The following PCYT1A variants were observed in gnomAD, a reference collection of about 807,000 sequenced individuals.
PCYT1A encodes the protein phosphate cytidylyltransferase 1A, choline.
In PCYT1A, 25 loss-of-function variants were observed where a neutral mutation model predicts 43.7. That is an observed-to-expected ratio of 0.57 (90% confidence interval 0.42 to 0.80). The LOEUF (loss-of-function observed/expected upper bound fraction) is 0.80, where lower values mean the gene tolerates loss of function less well. Among genes scored for constraint, PCYT1A ranks in the 30% least tolerant of loss-of-function variants. PCYT1A has a pLI of 0.00. For synonymous variants in PCYT1A, 172 were observed against 170.7 expected, an observed-to-expected ratio of 1.01 and a Z score of -0.06; for missense variants, 421 against 474.2, an observed-to-expected ratio of 0.89 and a Z score of 1.04.
intron 2 of PCYT1A, among the ~76,000 whole-genome samples, chr3:196,266,058 A>T (rs922363322): frequency 8.6e-5 from 13 of 151,538 alleles, no homozygotes; most frequent in Non-Finnish European, 1.3e-4. Context: ...CCATTAAAAA[A>T]AAATAAATAA....
At position 196,238,813 on chromosome 3, in the gene PCYT1A, C is replaced by CGCG; in HGVS notation, c.976_978dup (p.Arg326dup). 6.3e-7 allele frequency: 1 copy of CGCG among 1,575,680 alleles called. No homozygotes were observed. Among genetic ancestry groups the CGCG allele is most frequent in the Non-Finnish European group, 8.6e-7 (1 of 1,161,972 alleles). On this transcript the variant is annotated inframe_insertion, in exon 9 of 9. Transcript: ENST00000431016. ...CGGAAAGAGGGGGAGGGGGAGCGCT[C>CGCG]GCGAGTAGGGCTGCTGCTGGGGCTC... is the stretch of plus-strand genomic sequence containing the variant.
At chr3:196,244,245 G>C (rs1486147575) in intron 5 of PCYT1A, among the ~76,000 whole-genome samples, 1 of 142,998 alleles carries the variant, frequency 7.0e-6, no homozygotes, top group East Asian at 2.3e-4. Flanking sequence ...GGGATGTGAG[G>C]AGCGTCTCTG....
chr3:196,270,019 A>G (rs935420046), intron 2 of PCYT1A, among the ~76,000 whole-genome samples: 4 of 152,102 alleles, frequency 2.6e-5, no homozygotes, highest in Admixed American at 2.6e-4. Context: ...GATTACAGGC[A>G]TGCGCCACCA....
chr3:196,269,745 G>A (rs1483622196), intron 2 of PCYT1A, among the ~76,000 whole-genome samples: 5 of 152,246 alleles, frequency 3.3e-5, no homozygotes, highest in South Asian at 4.1e-4. Flanking sequence ...GTAACAGGAT[G>A]GAGGAATGAT....
Position 196,265,209 on chromosome 3 carries a change from G to A in PCYT1A, c.117+5206C>T, listed in dbSNP as rs866263572. ...CTCCTGAGTAGCTGGGATTACAGGC[G>A]CACATCACCATGCCCAGCTAATTTT... is the stretch of plus-strand genomic sequence containing the variant. On this transcript the variant is annotated intron_variant, in intron 2 of 8. Transcript: ENST00000431016. Among the ~76,000 whole-genome samples, 4 of 151,728 alleles carry A rather than the reference G, an allele frequency of 2.6e-5. No individual in the cohort carries two copies. In the South Asian group the frequency reaches 8.3e-4, roughly 32 times the overall value.
chr3:196,269,129 G>C (rs1169809394), intron 2 of PCYT1A, among the ~76,000 whole-genome samples: 1 of 152,158 alleles, frequency 6.6e-6, no homozygotes, highest in Admixed American at 6.5e-5. Flanking sequence ...TCAGATTTCT[G>C]ATATCCAGAA....
intron 2 of PCYT1A, among the ~76,000 whole-genome samples, chr3:196,260,314 A>G (rs1560170785): frequency 1.3e-5 from 2 of 152,186 alleles, no homozygotes; most frequent in Admixed American, 1.3e-4. Context: ...CAAAAACACA[A>G]GGAAATACTA....
intron 3 of PCYT1A, among the ~76,000 whole-genome samples, chr3:196,249,799 C>CGAGGCTGAGGACCAGATACACTGTGCT (rs1724689584): frequency 7.5e-6 from 1 of 133,988 alleles, no homozygotes; most frequent in African/African-American, 2.6e-5. Flanking sequence ...TACACCATGC[C>CGAGGCTGAGGACCAGATACACTGTGCT]GAGGCTGAGG....
At chr3:196,243,099 G>C (rs1011488247) in intron 5 of PCYT1A, 3 of 163,846 alleles carry the variant, frequency 1.8e-5, no homozygotes, top group African/African-American at 4.8e-5. Flanking sequence ...AGGCCAAGGC[G>C]GGCAGATCAC....
At chr3:196,267,301 ATG>A (rs1265769716) in intron 2 of PCYT1A, 1 of 456,692 alleles carries the variant, frequency 2.2e-6, no homozygotes, top group Admixed American at 2.3e-5. Flanking sequence ...ATTTGTATGA[ATG>A]TCCAGAACAG....
Position 196,278,898 on chromosome 3 carries a change from T to C in PCYT1A, c.-10-8357A>G, listed in dbSNP as rs148464894. 9.6e-3 allele frequency among the ~76,000 whole-genome samples: 1,455 copies of C among 150,932 alleles called. 23 individuals are homozygous for C. Among genetic ancestry groups the C allele is most frequent in the African/African-American group, 0.033 (1,366 of 40,926 alleles). Reference sequence around the variant, plus strand: ...TGGGAGTCTGTGGTGGCAGAATCGCTTGAACCCAGGATGCAGAGGTTGCAG... The same window carrying C: ...TGGGAGTCTGTGGTGGCAGAATCGCCTGAACCCAGGATGCAGAGGTTGCAG... On this transcript the variant is annotated intron_variant, in intron 1 of 8. Coordinates refer to ENST00000431016, the MANE Select transcript of PCYT1A (RefSeq NM_001312673.2).
At chr3:196,254,716 T>C (rs1457210904) in intron 3 of PCYT1A, among the ~76,000 whole-genome samples, 4 of 152,246 alleles carry the variant, frequency 2.6e-5, no homozygotes, top group Non-Finnish European at 5.9e-5. Flanking sequence ...TGATAAATTA[T>C]ATGGTTTATG....
intron 7 of PCYT1A, chr3:196,240,062 G>C (rs556435600): frequency 7.6e-6 from 2 of 264,862 alleles, no homozygotes; most frequent in South Asian, 8.9e-5. Context: ...AGCATGGCCC[G>C]AACCTCATTC....
chr3:196,270,269 T>C (rs1655254000), intron 2 of PCYT1A, 146 bp downstream of exon 2: 6 of 696,200 alleles, frequency 8.6e-6, no homozygotes, highest in Admixed American at 6.9e-5. Context: ...TGAGTCATAA[T>C]CCAGTAAAAA....
intron 3 of PCYT1A, among the ~76,000 whole-genome samples, chr3:196,248,591 C>A (rs1577358762): frequency 6.6e-6 from 1 of 151,944 alleles, no homozygotes; most frequent in East Asian, 1.9e-4. Flanking sequence ...AGGCTGGTCT[C>A]GAATTCCTGG....
rs1158728565 is a variant in PCYT1A at position 196,280,617 on chromosome 3, G to A, written c.-11+6998C>T. ...GAATATTTTCGATCCAAGTTTGGCT[G>A]AATCTGCGGATGTGGAGCCCATGGC... On this transcript the variant is annotated intron_variant, in intron 1 of 8. Transcript: ENST00000431016. Among the ~76,000 whole-genome samples the A allele has an allele frequency of 5.9e-5, 7 of 118,808 alleles. No homozygotes were observed. In the East Asian group the frequency reaches 2.0e-3, roughly 35 times the overall value. 77.9% of individuals were successfully genotyped at this position (118,808 alleles called of 152,430 possible).
intron 3 of PCYT1A, among the ~76,000 whole-genome samples, chr3:196,249,423 C>T (rs1200784590): frequency 6.6e-6 from 1 of 151,394 alleles, no homozygotes; most frequent in Non-Finnish European, 1.5e-5. Flanking sequence ...CAGGTGTGAG[C>T]CACCATGCTC....
chr3:196,254,184 G>A (rs1351115432), intron 3 of PCYT1A, among the ~76,000 whole-genome samples: 2 of 150,752 alleles, frequency 1.3e-5, no homozygotes, highest in Admixed American at 6.6e-5. Context: ...GTGCCACCAC[G>A]CCTGGCTAAT....
chr3:196,280,570 GTT>G lies in PCYT1A; in HGVS notation c.-11+7043_-11+7044del. Among the ~76,000 whole-genome samples the G allele has an allele frequency of 7.7e-3, 701 of 91,350 alleles. 1 individual carries two copies. The highest frequency in any genetic ancestry group is 0.034 in the Middle Eastern group (4 of 118). The allele number at this position is 91,350 out of a possible 152,430, so 59.9% of individuals were successfully genotyped here. On this transcript the variant is annotated intron_variant, in intron 1 of 8. Transcript: ENST00000431016. ...TTATTGTTGTATTGGTATTTTTATT[GTT>G]TTTTTTTTTTTTTTTTTCTGAATAT...
Sources: allele counts gnomAD v4.1 joint callset (sites outside exome capture counted in the v4.1 genomes callset), GRCh38; gene constraint gnomAD v4.1.1; transcripts MANE v1.5; gene names NCBI Gene and HGNC (gene_info 2026-07-23, HGNC 2026-07-21).